Variants in DYSF observed in about 807,000 individuals in gnomAD.
DYSF encodes the protein dysferlin, also known as dystrophy-associated fer-1-like 1.
A neutral mutation model predicts 274.9 loss-of-function variants in DYSF; 212 were observed. The ratio of observed to expected loss-of-function variants is 0.77; its 90% CI spans 0.69 to 0.86. The LOEUF is 0.86. Among genes scored for constraint, DYSF ranks in the 40% least tolerant of loss-of-function variants. The probability of loss-of-function intolerance (pLI) is 0.00; values close to 1 mark genes in which losing one functional copy is unlikely to be tolerated. For missense variants in DYSF, 2,666 were observed against 2,783.2 expected (o/e 0.96, Z 0.95); for synonymous variants, 1,091 against 1,078.7 (o/e 1.01, Z -0.22).
At chr2:71,674,343 A>T in intron 52 of DYSF, 47 bp downstream of exon 52, 1 of 1,578,372 alleles carries the variant, frequency 6.3e-7, no homozygotes, top group Non-Finnish European at 8.7e-7. Context: ...GGGCTGCCCC[A>T]GAACCCACAC....
At chr2:71,530,726 C>T (rs2088599452) in intron 14 of DYSF, among the ~76,000 whole-genome samples, 2 of 152,306 alleles carry the variant, frequency 1.3e-5, no homozygotes, top group South Asian at 4.2e-4. Context: ...GTCCTCTCTG[C>T]CCTAAGCCAC....
In DYSF at chr2:71,543,146, G is replaced by A. The variant is rs563083353; in HGVS notation, c.1576+3907G>A. Among the ~76,000 whole-genome samples, 1,023 of 151,652 alleles carry A rather than the reference G, an allele frequency of 6.7e-3. 10 individuals are homozygous for A. The highest frequency in any genetic ancestry group is 9.7e-3 in the Non-Finnish European group (660 of 67,814). On this transcript the variant is annotated intron_variant, in intron 17 of 55. Transcript: ENST00000410020. ...GGAGGGGCTCCTCACTTCCCAGACG[G>A]GGTGGCTGCCGGGCGGAGGGGCTCC...
At chr2:71,480,070 A>G (rs990386159) in intron 1 of DYSF, among the ~76,000 whole-genome samples, 2 of 152,048 alleles carry the variant, frequency 1.3e-5, no homozygotes, top group African/African-American at 4.8e-5. Flanking sequence ...TCACGTCCCC[A>G]TTTCTATTTT....
chr2:71,573,201 A>G (rs1192604000), intron 29 of DYSF, among the ~76,000 whole-genome samples: 1 of 152,210 alleles, frequency 6.6e-6, no homozygotes, highest in African/African-American at 2.4e-5. Context: ...TGCTGGCTCC[A>G]GGGAGGGGCA....
intron 41 of DYSF, among the ~76,000 whole-genome samples, chr2:71,636,579 T>C (rs2094407200): frequency 6.6e-6 from 1 of 152,094 alleles, no homozygotes; most frequent in African/African-American, 2.4e-5. Flanking sequence ...GCAGGGATGT[T>C]CAGAGATAGG....
At chr2:71,517,958 G>A (rs926642866) in intron 10 of DYSF, among the ~76,000 whole-genome samples, 16 of 152,156 alleles carry the variant, frequency 1.1e-4, no homozygotes, top group African/African-American at 2.7e-4. Flanking sequence ...TGGGAAGGCC[G>A]TGTGAGATCT....
At chr2:71,542,124 C>G (rs2089977628) in intron 17 of DYSF, among the ~76,000 whole-genome samples, 1 of 152,168 alleles carries the variant, frequency 6.6e-6, no homozygotes. Flanking sequence ...GTGAGTTGCT[C>G]CAGTCTCCGT....
rs1400006082 is a variant in DYSF at position 71,526,225 on chromosome 2, G to A, written c.1155G>A (p.Glu385=). 2 of 1,614,136 alleles carry A rather than the reference G, an allele frequency of 1.2e-6. No homozygotes were observed. The highest frequency in any genetic ancestry group is 1.3e-5 in the African/African-American group (1 of 74,948). The stretch of plus-strand genomic sequence containing the variant: ...GTATTTGGTTTTCTTTGTAGCTGGA[G>A]AGAAAAGACCCCTCTGAAGACAAGG... ...VLGPGDEAPL[E]RKDPSEDKED... Residue 385 remains glutamate, a synonymous_variant, in exon 13 of 56, where the codon GAG becomes GAA. Coordinates refer to ENST00000410020, the MANE Select transcript of DYSF (RefSeq NM_001130987.2).
rs750562195 is a variant in DYSF at position 71,466,895 on chromosome 2, A to G, written c.53A>G (p.Asp18Gly). The part of the protein sequence containing the change: ...RASNLPSAKK[D>G]RRSDPVASLT... Reference sequence around the variant, plus strand: ...AGCAACCTCCCCAGTGCGAAGAAGGACCGGCGCAGCGACCCTGTCGCAAGC... The same window carrying G: ...AGCAACCTCCCCAGTGCGAAGAAGGGCCGGCGCAGCGACCCTGTCGCAAGC... Residue 18 changes from aspartate (D) to glycine (G), a missense_variant, in exon 1 of 56, where the codon GAC becomes GGC. Around this residue, in one of 3 missense-constraint regions of DYSF, gnomAD observed 794 missense variants for 777.1 expected, o/e 1.02. Transcript: ENST00000410020. 2.9e-5 allele frequency: 45 copies of G among 1,550,002 alleles called. No homozygotes were observed. The highest frequency in any genetic ancestry group is 3.8e-5 in the Non-Finnish European group (44 of 1,145,882).
Position 71,535,003 on chromosome 2 carries a change from C to T in DYSF, c.1381-18C>T, listed in dbSNP as rs746156976. 1.2e-6 allele frequency: 2 copies of T among 1,614,004 alleles called. No individual in the cohort carries two copies. Among genetic ancestry groups the T allele is most frequent in the Non-Finnish European group, 1.7e-6 (2 of 1,179,954 alleles). ...CCCATGGAGCTTGATCAACTTGTCC[C>T]CTCCCTGTGTCTTCTAGCTGTGCAG... On this transcript the variant is annotated intron_variant, in intron 14 of 55. Coordinates refer to ENST00000410020, the MANE Select transcript of DYSF (RefSeq NM_001130987.2).
intron 40 of DYSF, among the ~76,000 whole-genome samples, chr2:71,618,446 AGAGGTGGGGT>A (rs2093987231): frequency 9.6e-5 from 5 of 52,150 alleles, no homozygotes; most frequent in Admixed American, 5.1e-4. Context: ...TGTGTGTGGT[AGAGGTGGGGT>A]TGTGTGTGTG....
chr2:71,676,304 C>T (rs1262919803), intron 52 of DYSF, among the ~76,000 whole-genome samples: 1 of 151,650 alleles, frequency 6.6e-6, no homozygotes, highest in East Asian at 1.9e-4. Context: ...TTTCCCTAAA[C>T]TTTTGCTACC....
chr2:71,674,981 G>A (rs997401005), intron 52 of DYSF, among the ~76,000 whole-genome samples: 2 of 152,206 alleles, frequency 1.3e-5, no homozygotes, highest in African/African-American at 4.8e-5. Flanking sequence ...AGCCATGAAA[G>A]CAATGAAATA....
chr2:71,558,227 G>C (rs1171928087), intron 22 of DYSF, among the ~76,000 whole-genome samples: 1 of 152,144 alleles, frequency 6.6e-6, no homozygotes, highest in African/African-American at 2.4e-5. Flanking sequence ...TCCTGGCCAG[G>C]GGGGCTAGGT....
intron 3 of DYSF, among the ~76,000 whole-genome samples, chr2:71,499,653 C>T (rs1321547517): frequency 6.6e-6 from 1 of 152,160 alleles, no homozygotes; most frequent in African/African-American, 2.4e-5. Flanking sequence ...AAGCATGTGC[C>T]CTGTCAGACC....
chr2:71,549,229 A>C, intron 17 of DYSF: 1 of 938,332 alleles, frequency 1.1e-6, no homozygotes, highest in Non-Finnish European at 1.7e-6. Context: ...TCTGTTTCAC[A>C]CCCGGGAGCT....
At chr2:71,466,586 C>T, upstream of DYSF, 1 of 1,185,384 alleles carries the variant, frequency 8.4e-7, no homozygotes. Flanking sequence ...CCGTCTGACC[C>T]CTGTCCCTCC....
intron 10 of DYSF, 127 bp downstream of exon 10, chr2:71,517,166 G>C: frequency 1.1e-6 from 1 of 924,022 alleles, no homozygotes; most frequent in Non-Finnish European, 1.7e-6. Flanking sequence ...TAATTTCAAA[G>C]AACAACGCCA....
At chr2:71,589,775 TG>T in intron 31 of DYSF, 89 bp downstream of exon 31, 1 of 1,286,586 alleles carries the variant, frequency 7.8e-7, no homozygotes, top group Non-Finnish European at 1.1e-6. Flanking sequence ...CAGATGTGTA[TG>T]TGGGGCTCTG....
Sources: allele counts gnomAD v4.1 joint callset (sites outside exome capture counted in the v4.1 genomes callset), GRCh38; gene constraint gnomAD v4.1.1; regional missense constraint gnomAD v4.1.1; transcripts MANE v1.5; gene names NCBI Gene and HGNC (gene_info 2026-07-23, HGNC 2026-07-21).